MCTP1: variants seen among roughly 807,000 people sequenced by gnomAD.
MCTP1 encodes multiple C2 and transmembrane domain-containing protein 1.
Under a neutral mutation model 120.6 loss-of-function variants are expected in MCTP1, and 69 were observed. The observed-to-expected ratio is 0.57, with a 90% CI of 0.47 to 0.70. The LOEUF is 0.70. Among genes scored for constraint, MCTP1 ranks in the 30% least tolerant of loss-of-function variants. MCTP1 has a pLI of 0.00. For missense variants in MCTP1, 1,203 were observed against 1,248.8 expected (o/e 0.96, Z 0.55); for synonymous variants, 529 against 493.1 (o/e 1.07, Z -0.96).
intron 1 of MCTP1, among the ~76,000 whole-genome samples, chr5:95,267,652 T>C (rs1457167872): frequency 1.3e-5 from 2 of 152,234 alleles, no homozygotes; most frequent in Non-Finnish European, 2.9e-5. Flanking sequence ...GTTCCACACA[T>C]AGAAGCAAAG....
At chr5:95,017,084 A>T (rs908482347) in intron 2 of MCTP1, among the ~76,000 whole-genome samples, 1 of 152,102 alleles carries the variant, frequency 6.6e-6, no homozygotes, top group Non-Finnish European at 1.5e-5. Flanking sequence ...TATGTAACCA[A>T]TTATGTCAGT....
At chr5:94,893,321 A>T (rs928030456) in intron 11 of MCTP1, among the ~76,000 whole-genome samples, 1 of 152,242 alleles carries the variant, frequency 6.6e-6, no homozygotes, top group African/African-American at 2.4e-5. Flanking sequence ...AAGAATTTTT[A>T]TATTAATATA....
intron 1 of MCTP1, among the ~76,000 whole-genome samples, chr5:95,240,588 C>A (rs1445069040): frequency 6.6e-6 from 1 of 152,174 alleles, no homozygotes; most frequent in Non-Finnish European, 1.5e-5. Context: ...AGATGCTTTA[C>A]CTTATTTGTC....
chr5:95,163,557 G>A (rs974059874), intron 1 of MCTP1, among the ~76,000 whole-genome samples: 1 of 152,182 alleles, frequency 6.6e-6, no homozygotes, highest in East Asian at 1.9e-4. Context: ...TGCCTAACAC[G>A]TGTTGGGTAA....
intron 20 of MCTP1, among the ~76,000 whole-genome samples, chr5:94,714,201 AGGAAAAG>A (rs1197266728): frequency 6.6e-6 from 1 of 152,202 alleles, no homozygotes; most frequent in Non-Finnish European, 1.5e-5. Flanking sequence ...TAAAAAGTTA[AGGAAAAG>A]GGATTCTGTT....
intron 1 of MCTP1, among the ~76,000 whole-genome samples, chr5:95,172,822 G>A (rs10038282): frequency 0.019 from 2,870 of 152,230 alleles, 84 homozygotes; most frequent in African/African-American, 0.065. Context: ...TAGGGGCAGT[G>A]TTACCATAGG....
intron 1 of MCTP1, among the ~76,000 whole-genome samples, chr5:95,264,951 G>A (rs955277654): frequency 6.6e-6 from 1 of 152,168 alleles, no homozygotes; most frequent in Non-Finnish European, 1.5e-5. Flanking sequence ...CCTGCTCTGG[G>A]TCTTTTCAGG....
At chr5:94,758,086 A>T (rs1172439863) in intron 19 of MCTP1, among the ~76,000 whole-genome samples, 1 of 152,226 alleles carries the variant, frequency 6.6e-6, no homozygotes, top group African/African-American at 2.4e-5. Flanking sequence ...CAACAGATGT[A>T]TGTCTGAGAT....
intron 12 of MCTP1, among the ~76,000 whole-genome samples, chr5:94,887,491 T>C (rs555856000): frequency 6.6e-6 from 1 of 152,298 alleles, no homozygotes; most frequent in African/African-American, 2.4e-5. Flanking sequence ...TTGAAATAAA[T>C]GGTACTTGCA....
intron 11 of MCTP1, among the ~76,000 whole-genome samples, chr5:94,893,252 C>A (rs1431303698): frequency 6.6e-6 from 1 of 152,110 alleles, no homozygotes. Context: ...GCAGCAGTAT[C>A]CCTTAATATA....
intron 2 of MCTP1, among the ~76,000 whole-genome samples, chr5:95,011,417 A>G (rs1312360500): frequency 6.6e-6 from 1 of 152,056 alleles, no homozygotes; most frequent in Non-Finnish European, 1.5e-5. Context: ...GTTTTACTCC[A>G]TCATTACCAT....
chr5:94,790,583 C>T (rs76350173), intron 18 of MCTP1, among the ~76,000 whole-genome samples: 6,783 of 152,140 alleles, frequency 0.045, 167 homozygotes, highest in African/African-American at 0.058. Flanking sequence ...CCAAAGGGGA[C>T]GGGTACTGCT....
chr5:94,855,107 T>C (rs1265951978), intron 17 of MCTP1, among the ~76,000 whole-genome samples: 1 of 151,852 alleles, frequency 6.6e-6, no homozygotes, highest in Non-Finnish European at 1.5e-5. Flanking sequence ...TATTCCCCCT[T>C]ATAACCCGCA....
At chr5:94,725,784 T>C (rs1308723685) in intron 19 of MCTP1, among the ~76,000 whole-genome samples, 1 of 152,170 alleles carries the variant, frequency 6.6e-6, no homozygotes, top group Non-Finnish European at 1.5e-5. Flanking sequence ...AAAATGAGGA[T>C]AATAATTCAA....
At chr5:95,242,627 T>G (rs1209368589) in intron 1 of MCTP1, among the ~76,000 whole-genome samples, 4 of 152,108 alleles carry the variant, frequency 2.6e-5, no homozygotes, top group Non-Finnish European at 5.9e-5. Context: ...GTGATAAAAA[T>G]CCAAACTTCC....
chr5:95,081,787 T>C (rs1001152070), intron 1 of MCTP1: 2 of 1,096,744 alleles, frequency 1.8e-6, no homozygotes, highest in African/African-American at 3.3e-5. Flanking sequence ...TATCTGGGGT[T>C]CTAAAATACT....
intron 1 of MCTP1, among the ~76,000 whole-genome samples, chr5:95,096,419 G>A (rs1250252642): frequency 6.6e-6 from 1 of 152,084 alleles, no homozygotes; most frequent in Non-Finnish European, 1.5e-5. Flanking sequence ...CAGTTGGTAA[G>A]GACAGAGAGA....
At chr5:94,811,045 T>C (rs1783308205) in intron 17 of MCTP1, among the ~76,000 whole-genome samples, 1 of 152,190 alleles carries the variant, frequency 6.6e-6, no homozygotes, top group African/African-American at 2.4e-5. Flanking sequence ...AATTTTCTCC[T>C]TCACTGGTCT....
intron 19 of MCTP1, among the ~76,000 whole-genome samples, chr5:94,741,111 A>G (rs1335173974): frequency 6.6e-6 from 1 of 152,164 alleles, no homozygotes; most frequent in African/African-American, 2.4e-5. Flanking sequence ...GGAGTGTGAA[A>G]TGTTCACTAT....
Sources: allele counts gnomAD v4.1 joint callset (sites outside exome capture counted in the v4.1 genomes callset), GRCh38; gene constraint gnomAD v4.1.1; transcripts MANE v1.5; gene names NCBI Gene and HGNC (gene_info 2026-07-23, HGNC 2026-07-21).